CLSTN2: variants seen among roughly 807,000 people sequenced by gnomAD.
CLSTN2 encodes calsyntenin 2, also known as calsyntenin-2.
Under a neutral mutation model 101.2 loss-of-function variants are expected in CLSTN2, and 48 were observed. The observed-to-expected ratio is 0.47, with a 90% confidence interval of 0.38 to 0.60. The LOEUF (loss-of-function observed/expected upper bound fraction) is 0.60. CLSTN2 is among the 20% of genes least tolerant of loss of function. CLSTN2 has a pLI of 0.00. For missense variants in CLSTN2, 1,160 were observed against 1,238.2 expected, an observed-to-expected ratio of 0.94 and a Z score of 0.95; for synonymous variants, 481 against 463.6, an observed-to-expected ratio of 1.04 and a Z score of -0.48.
chr3:140,216,799 T>C (rs919573308), intron 2 of CLSTN2, among the ~76,000 whole-genome samples: 3 of 152,122 alleles, frequency 2.0e-5, no homozygotes, highest in Admixed American at 6.5e-5. Flanking sequence ...GGATGTGAAA[T>C]AGGAAGAATA....
At chr3:140,251,060 C>G (rs1035702208) in intron 2 of CLSTN2, among the ~76,000 whole-genome samples, 16 of 152,198 alleles carry the variant, frequency 1.1e-4, no homozygotes, top group Admixed American at 6.5e-4. Context: ...TGGCCGCCCA[C>G]ATGTGGGACA....
chr3:140,315,342 G>C (rs577620850), intron 2 of CLSTN2, among the ~76,000 whole-genome samples: 4 of 152,188 alleles, frequency 2.6e-5, no homozygotes, highest in Non-Finnish European at 4.4e-5. Context: ...ATTGGGAAAG[G>C]TGTATGCCAA....
chr3:140,366,802 T>C (rs1025052641), intron 2 of CLSTN2, among the ~76,000 whole-genome samples: 9 of 152,196 alleles, frequency 5.9e-5, no homozygotes, highest in African/African-American at 1.9e-4. Flanking sequence ...TTCTTATATA[T>C]TTGGATTTTT....
intron 9 of CLSTN2, among the ~76,000 whole-genome samples, chr3:140,537,881 T>G (rs1308899839): frequency 6.6e-6 from 1 of 151,872 alleles, no homozygotes; most frequent in Admixed American, 6.6e-5. Flanking sequence ...TGCAAGGGAG[T>G]GAGTCAGGTA....
At chr3:140,305,008 TCACA>T (rs1166890060) in intron 2 of CLSTN2, among the ~76,000 whole-genome samples, 1 of 150,058 alleles carries the variant, frequency 6.7e-6, no homozygotes, top group East Asian at 1.9e-4. Flanking sequence ...GACATAGCTG[TCACA>T]CACACACAGA....
intron 1 of CLSTN2, among the ~76,000 whole-genome samples, chr3:140,013,492 T>G (rs540912926): frequency 6.6e-6 from 1 of 152,328 alleles, no homozygotes; most frequent in Non-Finnish European, 1.5e-5. Context: ...CAGGGACACA[T>G]GTGGGTGATA....
chr3:139,983,898 T>G (rs1465363990), intron 1 of CLSTN2, among the ~76,000 whole-genome samples: 1 of 152,188 alleles, frequency 6.6e-6, no homozygotes, highest in Non-Finnish European at 1.5e-5. Context: ...AGTCTAATGC[T>G]TCTAAAAATA....
Position 140,421,190 on chromosome 3 carries a change from G to A in CLSTN2, c.703G>A (p.Ala235Thr), listed in dbSNP as rs763427009. ...KQHQYEILVT[A>T]YDCGQKPAAQ... ...ACACCAGTATGAGATCCTGGTGACC[G>A]CCTACGACTGTGGACAGAAGCCCGC... Residue 235 changes from alanine (A) to threonine (T), a missense_variant, in exon 5 of 17, where the codon GCC becomes ACC. Transcript: ENST00000458420. 17 of 1,614,014 alleles carry A rather than the reference G, an allele frequency of 1.1e-5. No individual in the cohort carries two copies. The highest frequency in any genetic ancestry group is 2.7e-5 in the African/African-American group (2 of 74,916).
intron 1 of CLSTN2, among the ~76,000 whole-genome samples, chr3:140,175,376 G>A (rs2010307431): frequency 6.6e-6 from 1 of 150,472 alleles, no homozygotes; most frequent in South Asian, 2.1e-4. Flanking sequence ...TAAATGATCA[G>A]AAAATATTCA....
intron 9 of CLSTN2, among the ~76,000 whole-genome samples, chr3:140,538,268 C>T (rs1370800756): frequency 6.6e-6 from 1 of 152,192 alleles, no homozygotes; most frequent in Non-Finnish European, 1.5e-5. Flanking sequence ...ATACCTCCCT[C>T]TAGTCTTAGA....
chr3:140,539,208 T>C (rs533160841), intron 9 of CLSTN2, among the ~76,000 whole-genome samples: 2 of 151,680 alleles, frequency 1.3e-5, no homozygotes, highest in East Asian at 3.9e-4. Context: ...AGAAGGTTAA[T>C]AATTAATATT....
intron 2 of CLSTN2, among the ~76,000 whole-genome samples, chr3:140,302,921 C>A (rs553579083): frequency 5.9e-5 from 9 of 152,202 alleles, no homozygotes; most frequent in Non-Finnish European, 1.0e-4. Flanking sequence ...GTGTGTCAGC[C>A]CCGGAGATGG....
intron 8 of CLSTN2, among the ~76,000 whole-genome samples, chr3:140,519,678 T>G (rs1304625479): frequency 1.3e-5 from 2 of 152,174 alleles, no homozygotes; most frequent in Admixed American, 1.3e-4. Context: ...TTTTCCTCCA[T>G]TCCTTTGTTT....
chr3:140,349,895 A>G (rs1185393752), intron 2 of CLSTN2, among the ~76,000 whole-genome samples: 1 of 152,204 alleles, frequency 6.6e-6, no homozygotes, highest in African/African-American at 2.4e-5. Context: ...ACAGAAGACA[A>G]CATCTTATAT....
At chr3:140,245,930 C>T (rs185626864) in intron 2 of CLSTN2, among the ~76,000 whole-genome samples, 1 of 152,254 alleles carries the variant, frequency 6.6e-6, no homozygotes, top group African/African-American at 2.4e-5. Context: ...TGAGTTAGGA[C>T]ATGTGTATCA....
chr3:140,180,984 C>T (rs2010399757), intron 2 of CLSTN2, among the ~76,000 whole-genome samples: 1 of 152,154 alleles, frequency 6.6e-6, no homozygotes, highest in Admixed American at 6.5e-5. Context: ...TGGCAAAGAC[C>T]CTCCCACAGG....
chr3:140,283,592 C>T (rs1427219923), intron 2 of CLSTN2, among the ~76,000 whole-genome samples: 1 of 152,156 alleles, frequency 6.6e-6, no homozygotes, highest in Non-Finnish European at 1.5e-5. Context: ...CCCTGGACTC[C>T]TCCTCTTGCC....
intron 2 of CLSTN2, among the ~76,000 whole-genome samples, chr3:140,226,349 A>G (rs2086320053): frequency 6.6e-6 from 1 of 152,210 alleles, no homozygotes; most frequent in South Asian, 2.1e-4. Context: ...ATAGCTTTGC[A>G]AGATGTTATC....
chr3:139,998,168 AAT>A (rs1316362337), intron 1 of CLSTN2, among the ~76,000 whole-genome samples: 1 of 152,062 alleles, frequency 6.6e-6, no homozygotes, highest in African/African-American at 2.4e-5. Context: ...ATGGGTCAAT[AAT>A]CAGAACAGAA....
Sources: allele counts gnomAD v4.1 joint callset (sites outside exome capture counted in the v4.1 genomes callset), GRCh38; gene constraint gnomAD v4.1.1; transcripts MANE v1.5; gene names NCBI Gene and HGNC (gene_info 2026-07-23, HGNC 2026-07-21).